Variants in COL22A1 observed in about 807,000 individuals in gnomAD.
COL22A1 encodes the protein collagen type XXII alpha 1 chain.
Under a neutral mutation model 248.9 loss-of-function variants are expected in COL22A1, and 221 were observed. The ratio of observed to expected loss-of-function variants is 0.89; its 90% CI spans 0.80 to 0.99. COL22A1 has a LOEUF of 0.99. Among genes scored for constraint, COL22A1 ranks in the 50% least tolerant of loss-of-function variants. The pLI is 0.00. For synonymous variants in COL22A1, 891 were observed against 793.4 expected (o/e 1.12, Z -2.07); for missense variants, 2,240 against 2,179.0 (o/e 1.03, Z -0.56).
chr8:138,621,609 G>A (rs548136659), intron 52 of COL22A1, among the ~76,000 whole-genome samples: 1 of 152,212 alleles, frequency 6.6e-6, no homozygotes, highest in South Asian at 2.1e-4. Flanking sequence ...TGAACTCCGG[G>A]GTCAGCCTGC....
intron 9 of COL22A1, among the ~76,000 whole-genome samples, chr8:138,810,550 AGG>A (rs1298662513): frequency 6.6e-6 from 1 of 152,196 alleles, no homozygotes; most frequent in Non-Finnish European, 1.5e-5. Flanking sequence ...CCCAGGCTGA[AGG>A]GCTCTTAAGG....
rs149741596 is a variant in COL22A1, at chr8:138,778,402, G to C, written c.1709C>G (p.Pro570Arg). ...TCCGGGGAGTCCAGGTGGTCCTTGG[G>C]GCCCCTGCAGAAGAGCATTTACAGA... The part of the protein sequence containing the change: ...GLPGEVGMRG[P>R]QGPPGLPGPP... The change falls in exon 15 of 65, where the codon CCC (proline) becomes CGC (arginine). Residue 570 changes from proline (P) to arginine (R), a missense_variant. Pro to Arg is a moderately radical substitution (Grantham distance 103, BLOSUM62 -2). Coordinates refer to ENST00000303045, the MANE Select transcript of COL22A1 (RefSeq NM_152888.3). 1.2e-6 allele frequency: 2 copies of C among 1,600,090 alleles called. No homozygotes were observed. The highest frequency in any genetic ancestry group is 2.2e-5 in the East Asian group (1 of 44,818).
Position 138,829,565 on chromosome 8 carries a change from G to A in COL22A1, c.846-2784C>T, listed in dbSNP as rs150645177. The stretch of plus-strand genomic sequence containing the variant: ...ATTACAGGTGCCCGCCACCACACCT[G>A]GCTAATGTTTTCTGTTTTTAGTAGA... On this transcript the variant is annotated intron_variant, in intron 5 of 64. Coordinates refer to ENST00000303045, the MANE Select transcript of COL22A1 (RefSeq NM_152888.3). Among the ~76,000 whole-genome samples, 462 of 151,822 alleles carry A rather than the reference G, an allele frequency of 3.0e-3. 2 individuals are homozygous for A. Among genetic ancestry groups the A allele is most frequent in the African/African-American group, 0.01 (432 of 41,428 alleles).
chr8:138,660,875 GAC>G (rs1823801005), intron 43 of COL22A1, among the ~76,000 whole-genome samples: 1 of 50,878 alleles, frequency 2.0e-5, no homozygotes, highest in African/African-American at 6.4e-5. Flanking sequence ...CAAACACACA[GAC>G]ACACACATAC....
chr8:138,844,144 T>A lies in COL22A1; in HGVS notation c.673A>T (p.Ser225Cys). Residue 225 changes from serine (S) to cysteine (C), a missense_variant, in exon 4 of 65, where the codon AGC becomes TGC. Coordinates refer to ENST00000303045, the MANE Select transcript of COL22A1 (RefSeq NM_152888.3). ...RRLCENVLCP[S>C]VRVEGDRFKH... ...AAGCGATCTCCTTCTACACGAACGC[T>A]AGGACAGAGCACATCTGAGGAAAGC... 1 of 1,614,180 alleles carries A rather than the reference T, an allele frequency of 6.2e-7. No homozygotes were observed. The highest frequency in any genetic ancestry group is 8.5e-7 in the Non-Finnish European group (1 of 1,180,012).
chr8:138,820,569 G>A (rs1819031803), intron 7 of COL22A1, among the ~76,000 whole-genome samples: 1 of 152,088 alleles, frequency 6.6e-6, no homozygotes, highest in Non-Finnish European at 1.5e-5. Context: ...ATTGCCAGTT[G>A]TTATCCCTAG....
chr8:138,748,491 G>A (rs1563706782), intron 22 of COL22A1, among the ~76,000 whole-genome samples: 2 of 152,206 alleles, frequency 1.3e-5, no homozygotes, highest in African/African-American at 4.8e-5. Context: ...AATCCCTGAG[G>A]GGCCACTGGT....
intron 27 of COL22A1, 146 bp downstream of exon 27, chr8:138,720,593 T>TGC (rs1829797463): frequency 1.4e-6 from 1 of 717,284 alleles, no homozygotes. Flanking sequence ...CCCTTAACCC[T>TGC]GCCCCTTTTC....
intron 35 of COL22A1, among the ~76,000 whole-genome samples, chr8:138,692,999 G>A (rs778870728): frequency 2.0e-5 from 3 of 152,124 alleles, no homozygotes; most frequent in Non-Finnish European, 4.4e-5. Context: ...TGCTCCTCTT[G>A]CCACCACTGC....
chr8:138,743,389 AGTG>A (rs1271623225), intron 22 of COL22A1, among the ~76,000 whole-genome samples: 1 of 135,052 alleles, frequency 7.4e-6, no homozygotes, highest in East Asian at 2.4e-4. Context: ...TGATGGTAGT[AGTG>A]ATTGTGATGG....
chr8:138,618,975 A>C (rs1819545551), intron 53 of COL22A1, among the ~76,000 whole-genome samples: 1 of 152,130 alleles, frequency 6.6e-6, no homozygotes. Flanking sequence ...TGAATATTAA[A>C]AACTTTACTT....
chr8:138,660,095 C>T (rs1232722692), intron 44 of COL22A1, among the ~76,000 whole-genome samples: 3 of 152,090 alleles, frequency 2.0e-5, no homozygotes, highest in Non-Finnish European at 2.9e-5. Flanking sequence ...CTGCCCAACT[C>T]GAGGCACTGT....
chr8:138,821,158 A>G lies in COL22A1; in HGVS notation c.1223T>C (p.Leu408Pro), dbSNP rs1563808411. The change falls in exon 7 of 65, where the codon CTC (leucine) becomes CCC (proline). Residue 408 changes from leucine to proline, a missense_variant. By Grantham distance (98) the Leu-to-Pro change is moderately conservative. Coordinates refer to ENST00000303045, the MANE Select transcript of COL22A1 (RefSeq NM_152888.3). ...IQGKTVIGKR[L>P]YDSVPIDFDL... ...CACGTCAATGGGCACACTGTCGTAGAGGCGCTTGCCAATCACAGTCTTGCC... is the reference window on the plus strand; with the variant it reads ...CACGTCAATGGGCACACTGTCGTAGGGGCGCTTGCCAATCACAGTCTTGCC... The G allele has an allele frequency of 2.5e-6, 4 of 1,614,182 alleles. No individual in the cohort carries two copies. Among genetic ancestry groups the G allele is most frequent in the Middle Eastern group, 3.3e-4 (2 of 6,060 alleles).
intron 35 of COL22A1, among the ~76,000 whole-genome samples, chr8:138,692,129 C>CGTGT (rs796482901): frequency 3.7e-4 from 1 of 2,708 alleles, no homozygotes; most frequent in Admixed American, 4.5e-3. Context: ...TATGTGTGTA[C>CGTGT]GTGTGTGCAT....
chr8:138,689,166 G>GT (rs1016124110), intron 36 of COL22A1, among the ~76,000 whole-genome samples, 196 bp from the exon 37 acceptor site: 19 of 114,694 alleles, frequency 1.7e-4, no homozygotes, highest in Non-Finnish European at 1.2e-4. Context: ...CCCGGGGGGG[G>GT]GGCTGGCCTT....
chr8:138,778,332 C>T, intron 15 of COL22A1, 21 bp downstream of exon 15: 1 of 1,614,074 alleles, frequency 6.2e-7, no homozygotes, highest in Admixed American at 1.7e-5. Flanking sequence ...AACCCCTGCC[C>T]AGACAAGTGC....
At chr8:138,780,722 G>A (rs1419417797) in intron 13 of COL22A1, among the ~76,000 whole-genome samples, 1 of 152,158 alleles carries the variant, frequency 6.6e-6, no homozygotes, top group Non-Finnish European at 1.5e-5. Flanking sequence ...GGACAGGCAG[G>A]CGATACCCGG....
chr8:138,826,247 C>T (rs974612762), intron 6 of COL22A1, among the ~76,000 whole-genome samples: 10 of 152,138 alleles, frequency 6.6e-5, no homozygotes, highest in South Asian at 2.1e-4. Flanking sequence ...AGGACCCACA[C>T]GAATGAAGGA....
At chr8:138,625,839 A>G (rs905151211) in intron 51 of COL22A1, among the ~76,000 whole-genome samples, 3 of 152,222 alleles carry the variant, frequency 2.0e-5, no homozygotes, top group East Asian at 1.9e-4. Flanking sequence ...ACAAATAGTT[A>G]ATTAACACAG....
Sources: gnomAD v4.1 joint callset for allele counts (sites outside exome capture counted in the v4.1 genomes callset) on GRCh38, gnomAD v4.1.1 for gene constraint, MANE v1.5 for transcripts, NCBI Gene and HGNC (gene_info 2026-07-23, HGNC 2026-07-21) for gene names.